The following NEMF variants were observed in gnomAD, a reference collection of about 807,000 sequenced individuals.
The protein encoded by NEMF is ribosome quality control complex subunit NEMF.
In NEMF, 89 loss-of-function variants were observed where a neutral mutation model predicts 162.2. The observed-to-expected ratio is 0.55, with a 90% confidence interval of 0.46 to 0.65. The LOEUF is 0.65. NEMF is among the 30% of genes least tolerant of loss of function. The pLI is 0.00. For synonymous variants in NEMF, 421 were observed against 404.5 expected, an observed-to-expected ratio of 1.04 and a Z score of -0.49; for missense variants, 1,133 against 1,261.9, an observed-to-expected ratio of 0.90 and a Z score of 1.55.
At chr14:49,820,114 G>A in intron 16 of NEMF, 1 of 232,618 alleles carries the variant, frequency 4.3e-6, no homozygotes, top group South Asian at 4.7e-5. Context: ...ACCACACCTG[G>A]CTAATTTTTG....
At position 49,823,563 on chromosome 14, in the gene NEMF, C is replaced by T. The variant is rs535607247; in HGVS notation, c.1577+2304G>A. On this transcript the variant is annotated intron_variant, in intron 16 of 32. Transcript: ENST00000298310. ...GAAACTCCCAGGATGTAGAGCAAAA[C>T]GATAGACTTGAAAATAGAAAATACA... Among the ~76,000 whole-genome samples, 18 of 151,686 alleles carry T rather than the reference C, an allele frequency of 1.2e-4. No individual in the cohort carries two copies. In the South Asian group the frequency reaches 2.7e-3, roughly 23 times the overall value.
chr14:49,788,276 C>A (rs866088097), intron 28 of NEMF, among the ~76,000 whole-genome samples: 321 of 78,546 alleles, frequency 4.1e-3, no homozygotes, highest in East Asian at 6.9e-3. Flanking sequence ...AAGACTGCCT[C>A]AAAAAAAAAA....
Position 49,840,835 on chromosome 14 carries a change from A to G in NEMF, c.389T>C (p.Val130Ala), listed in dbSNP as rs1893165517. The G allele has an allele frequency of 1.2e-6, 2 of 1,611,088 alleles. No homozygotes were observed. The highest frequency in any genetic ancestry group is 8.5e-7 in the Non-Finnish European group (1 of 1,178,886). ...GNIVLTDYEY[V>A]ILNILRFRTD... is the part of the protein sequence containing the mutation. ...TCGAAACCTTAGAATATTTAAAATTACGTACTCATAATCTGTAAGAACAAT... is the reference window on the plus strand; with the variant it reads ...TCGAAACCTTAGAATATTTAAAATTGCGTACTCATAATCTGTAAGAACAAT... The change falls in exon 5 of 33, where the codon GTA (valine) becomes GCA (alanine). Residue 130 changes from valine (V) to alanine (A), a missense_variant. This residue lies in a region of NEMF where 582 missense variants were observed against 631.5 expected (regional missense o/e 0.92). Transcript: ENST00000298310.
chr14:49,809,344 T>C (rs939840967), intron 18 of NEMF, among the ~76,000 whole-genome samples: 1 of 151,812 alleles, frequency 6.6e-6, no homozygotes, highest in Non-Finnish European at 1.5e-5. Context: ...TAAAAAGAAA[T>C]GAGCTATCAA....
At chr14:49,787,667 T>C (rs1042189843) in intron 28 of NEMF, among the ~76,000 whole-genome samples, 3 of 152,232 alleles carry the variant, frequency 2.0e-5, no homozygotes, top group Non-Finnish European at 4.4e-5. Flanking sequence ...CATATATGAA[T>C]TGTGGGGGGA....
At chr14:49,828,946 C>A (rs1594782548) in intron 13 of NEMF, 108 bp downstream of exon 13, 2 of 1,341,984 alleles carry the variant, frequency 1.5e-6, no homozygotes, top group East Asian at 4.8e-5. Context: ...AGTTTTTTCC[C>A]TTTCTTTGAG....
chr14:49,783,017 G>A lies in NEMF; in HGVS notation c.*1619C>T. ...AGCAATCCTGTAAACATCACAGAGT[G>A]GCATCATTTGTATAATTATATGCAT... On this transcript the variant is annotated 3_prime_UTR_variant, in exon 33 of 33. Transcript: ENST00000298310. 6.6e-7 allele frequency: 1 copy of A among 1,519,712 alleles called. No homozygotes were observed. Among genetic ancestry groups the A allele is most frequent in the Non-Finnish European group, 9.0e-7 (1 of 1,117,144 alleles). 94.1% of individuals were successfully genotyped at this position (1,519,712 alleles called of 1,614,324 possible).
chr14:49,829,961 T>G (rs1328639267), intron 11 of NEMF, among the ~76,000 whole-genome samples: 2 of 152,182 alleles, frequency 1.3e-5, no homozygotes, highest in African/African-American at 4.8e-5. Flanking sequence ...TTTTGCTACT[T>G]TTGATTTTCT....
Position 49,829,412 on chromosome 14 carries a change from C to G in NEMF, c.960G>C (p.Leu320Phe). Residue 320 changes from leucine to phenylalanine, a missense_variant, in exon 12 of 33, where the codon TTG becomes TTC. Coordinates refer to ENST00000298310, the MANE Select transcript of NEMF (RefSeq NM_004713.6). ...CCTTTCGAACATTATCTAATTTCTT[C>G]AATGCTTGCTTTTCCTTTTATTGGC... ...LKALQQEKQA[L>F]KKLDNVRKDH... 6.2e-7 allele frequency: 1 copy of G among 1,613,702 alleles called. No homozygotes were observed. Among genetic ancestry groups the G allele is most frequent in the Non-Finnish European group, 8.5e-7 (1 of 1,179,866 alleles).
chr14:49,804,564 G>A (rs1891100244), intron 19 of NEMF, among the ~76,000 whole-genome samples: 1 of 151,988 alleles, frequency 6.6e-6, no homozygotes, highest in Admixed American at 6.5e-5. Context: ...CTACTCGGGA[G>A]GTTGAAGCAG....
chr14:49,820,244 C>T (rs765347611), intron 16 of NEMF: 31 of 344,392 alleles, frequency 9.0e-5, no homozygotes, highest in Non-Finnish European at 1.4e-4. Flanking sequence ...GCCACTGTGG[C>T]TGGCCCCCAT....
chr14:49,783,126 G>GTATT lies in NEMF; in HGVS notation c.*1506_*1509dup, dbSNP rs1889990714. On this transcript the variant is annotated 3_prime_UTR_variant, in exon 33 of 33. Transcript: ENST00000298310. ...TTTGTGTCTAAAGTTTACAATAAAT[G>GTATT]TATTTAACACCAGTAGCTGTCCTCT... 1 of 509,462 alleles carries GTATT rather than the reference G, an allele frequency of 2.0e-6. No homozygotes were observed. Among genetic ancestry groups the GTATT allele is most frequent in the Non-Finnish European group, 3.3e-6 (1 of 301,290 alleles). The allele number at this position is 509,462 out of a possible 1,614,324, so 31.6% of individuals were successfully genotyped here. A position where few individuals can be genotyped will look rare whatever the true frequency, so the allele number is the denominator to read the frequency against.
chr14:49,829,022 G>C (rs1455704446), intron 13 of NEMF, 32 bp downstream of exon 13: 1 of 1,562,226 alleles, frequency 6.4e-7, no homozygotes, highest in East Asian at 2.2e-5. Context: ...ATAAAGACAA[G>C]CATTAACTGC....
At chr14:49,816,600 C>T (rs1306723737) in intron 16 of NEMF, among the ~76,000 whole-genome samples, 1 of 152,218 alleles carries the variant, frequency 6.6e-6, no homozygotes, top group East Asian at 1.9e-4. Flanking sequence ...TGTACTCTTT[C>T]TCTTTATTTC....
At chr14:49,787,246 TCA>T (rs1405412939) in intron 28 of NEMF, 1 of 161,594 alleles carries the variant, frequency 6.2e-6, no homozygotes, top group Non-Finnish European at 1.4e-5. Flanking sequence ...ACTGACTGTC[TCA>T]GTCTGTTCAG....
chr14:49,795,632 T>C (rs1434953710), intron 26 of NEMF, among the ~76,000 whole-genome samples, 159 bp downstream of exon 26: 1 of 152,250 alleles, frequency 6.6e-6, no homozygotes, highest in Non-Finnish European at 1.5e-5. Context: ...GTGATCTCTG[T>C]GTTCCCTAAA....
At position 49,802,428 on chromosome 14, in the gene NEMF, T is replaced by C. The variant is rs777035278; in HGVS notation, c.2095+25A>G. The C allele has an allele frequency of 2.2e-5, 36 of 1,608,572 alleles. No individual in the cohort carries two copies. The Admixed American group carries it at 4.2e-4, about 19-fold the overall frequency. On this transcript the variant is annotated intron_variant, in intron 22 of 32. Coordinates refer to ENST00000298310, the MANE Select transcript of NEMF (RefSeq NM_004713.6). The stretch of plus-strand genomic sequence containing the variant: ...CTAGGTAACAAAAAACATCACAAGC[T>C]AATTTCTTAAAATCTATAAACTACC...
intron 18 of NEMF, among the ~76,000 whole-genome samples, 196 bp downstream of exon 18, chr14:49,813,792 T>A (rs1430411277): frequency 6.6e-6 from 1 of 151,976 alleles, no homozygotes; most frequent in Non-Finnish European, 1.5e-5. Context: ...TTTCTAGAGA[T>A]GAGGTTTCAC....
Position 49,851,536 on chromosome 14 carries a change from A to G in NEMF, c.231+27T>C, listed in dbSNP as rs372047090. The G allele has an allele frequency of 5.5e-5, 83 of 1,497,858 alleles. No homozygotes were observed. In the African/African-American group the frequency reaches 1.0e-3, roughly 19 times the overall value. 92.8% of individuals were successfully genotyped at this position (1,497,858 alleles called of 1,614,324 possible). A position where few individuals can be genotyped will look rare whatever the true frequency, so the allele number is the denominator to read the frequency against. ...AATTGTTAGTGAGCAATCTCTTAAA[A>G]TTTAGCTTCAAGCGTAACAAGTTTA... On this transcript the variant is annotated intron_variant, in intron 3 of 32. Transcript: ENST00000298310.
Sources: allele counts gnomAD v4.1 joint callset (sites outside exome capture counted in the v4.1 genomes callset), GRCh38; gene constraint gnomAD v4.1.1; regional missense constraint gnomAD v4.1.1; transcripts MANE v1.5; gene names NCBI Gene and HGNC (gene_info 2026-07-23, HGNC 2026-07-21).